The following CSPP1 variants were observed in gnomAD, a reference collection of about 807,000 sequenced individuals.
CSPP1 encodes centrosome and spindle pole-associated protein 1.
CSPP1 carries 126 observed loss-of-function variants against 164.4 expected under a neutral mutation model. The ratio of observed to expected loss-of-function variants is 0.77; its 90% CI spans 0.66 to 0.89. The LOEUF is 0.89. Ranked by LOEUF, CSPP1 falls within the 40% of genes least tolerant of loss-of-function variation. CSPP1 has a pLI of 0.00. For synonymous variants in CSPP1, 472 were observed against 476.7 expected, an observed-to-expected ratio of 0.99 and a Z score of 0.13; for missense variants, 1,395 against 1,449.8, an observed-to-expected ratio of 0.96 and a Z score of 0.61.
intron 25 of CSPP1, chr8:67,173,905 GA>G (rs1193492135): frequency 6.6e-6 from 1 of 152,106 alleles, no homozygotes; most frequent in Non-Finnish European, 1.5e-5. Flanking sequence ...TGTGTATATA[GA>G]TTGGCCAGAG....
rs59504632 is a variant in CSPP1 at position 67,186,970 on chromosome 8, C to CATCTATCTATCTATCTATCT, written c.3221-3654_3221-3635dup. Among the ~76,000 whole-genome samples, 3 of 149,870 alleles carry CATCTATCTATCTATCTATCT rather than the reference C, an allele frequency of 2.0e-5. No individual in the cohort carries two copies. In the East Asian group the frequency reaches 6.0e-4, roughly 30 times the overall value. ...AATACTGAGGTATAAATCTATCTAT[C>CATCTATCTATCTATCTATCT]ATCTATCTATCTATCTATCTATCTA... On this transcript the variant is annotated intron_variant, in intron 28 of 30. Transcript: ENST00000678616.
At chr8:67,158,687 A>G in intron 20 of CSPP1, 91 bp downstream of exon 20, 1 of 1,420,430 alleles carries the variant, frequency 7.0e-7, no homozygotes, top group African/African-American at 1.4e-5. Context: ...AAAGGAGAAC[A>G]GTGTTGGAGT....
chr8:67,071,893 A>G (rs1806861389), intron 1 of CSPP1, among the ~76,000 whole-genome samples: 1 of 152,224 alleles, frequency 6.6e-6, no homozygotes, highest in Non-Finnish European at 1.5e-5. Flanking sequence ...TGCAAAAATT[A>G]ACTTTGAATG....
intron 15 of CSPP1, among the ~76,000 whole-genome samples, chr8:67,130,993 CAAAAG>C (rs1290399647): frequency 5.9e-5 from 9 of 151,860 alleles, no homozygotes; most frequent in Admixed American, 2.0e-4. Context: ...CGTCTCAAAA[CAAAAG>C]AAAACAAAAA....
chr8:67,164,445 G>C lies in CSPP1; in HGVS notation c.2765G>C (p.Ser922Thr). 1 of 1,608,114 alleles carries C rather than the reference G, an allele frequency of 6.2e-7. No homozygotes were observed. The highest frequency in any genetic ancestry group is 8.5e-7 in the Non-Finnish European group (1 of 1,174,772). ...TCAGAAATGAGAAAACAGCTTCGTAGTGAAGAGAGGCGTCTACAAGAGCGA... is the reference window on the plus strand; with the variant it reads ...TCAGAAATGAGAAAACAGCTTCGTACTGAAGAGAGGCGTCTACAAGAGCGA... ...ELSEMRKQLR[S>T]EERRLQERLL... Residue 922 changes from serine to threonine, a missense_variant, in exon 24 of 31, where the codon AGT becomes ACT. Ser to Thr is a moderately conservative substitution (Grantham distance 58, BLOSUM62 1). Coordinates refer to ENST00000678616, the MANE Select transcript of CSPP1 (RefSeq NM_001382391.1).
intron 16 of CSPP1, among the ~76,000 whole-genome samples, chr8:67,136,271 TA>T (rs2129554946): frequency 6.6e-6 from 1 of 152,070 alleles, no homozygotes; most frequent in South Asian, 2.1e-4. Flanking sequence ...CTTCGATTTG[TA>T]AAAAATGCAA....
chr8:67,066,768 T>C (rs1805646690), intron 1 of CSPP1, among the ~76,000 whole-genome samples: 1 of 151,570 alleles, frequency 6.6e-6, no homozygotes, highest in African/African-American at 2.4e-5. Context: ...TATACACACA[T>C]ATATATTTGT....
At chr8:67,148,905 A>C (rs1361526930) in intron 17 of CSPP1, among the ~76,000 whole-genome samples, 3 of 152,216 alleles carry the variant, frequency 2.0e-5, no homozygotes, top group African/African-American at 7.2e-5. Context: ...GTAATGAATT[A>C]ACCCAAAACT....
At chr8:67,179,635 G>A (rs1832536837) in intron 27 of CSPP1, among the ~76,000 whole-genome samples, 1 of 152,206 alleles carries the variant, frequency 6.6e-6, no homozygotes. Context: ...TGTAGAATCT[G>A]TAGCCTGGAG....
intron 28 of CSPP1, among the ~76,000 whole-genome samples, chr8:67,185,277 C>A (rs1269293486): frequency 5.9e-5 from 9 of 152,132 alleles, no homozygotes; most frequent in Admixed American, 5.9e-4. Context: ...ATTTGATGAG[C>A]CCTGAGGCCC....
At chr8:67,192,143 G>C (rs1316714170) in intron 29 of CSPP1, among the ~76,000 whole-genome samples, 3 of 148,800 alleles carry the variant, frequency 2.0e-5, no homozygotes, top group South Asian at 2.1e-4. Context: ...CGTGATCTCA[G>C]TGCACTGCAC....
chr8:67,184,344 A>G (rs1224648481), intron 28 of CSPP1, among the ~76,000 whole-genome samples: 1 of 152,198 alleles, frequency 6.6e-6, no homozygotes, highest in African/African-American at 2.4e-5. Context: ...ACAGGAAATA[A>G]ATAGAGAAAA....
chr8:67,113,925 C>A, intron 11 of CSPP1, 63 bp downstream of exon 11: 1 of 950,518 alleles, frequency 1.1e-6, no homozygotes, highest in Non-Finnish European at 1.7e-6. Context: ...AATGTGGTGG[C>A]AGGTGGGGAT....
At chr8:67,147,350 C>G (rs752863264) in intron 17 of CSPP1, among the ~76,000 whole-genome samples, 3 of 152,156 alleles carry the variant, frequency 2.0e-5, no homozygotes, top group Admixed American at 1.3e-4. Context: ...TGTGGTTTCA[C>G]CCAGTCCCTT....
In CSPP1 at chr8:67,154,065, G is replaced by A. The variant is rs1826217299; in HGVS notation, c.2170G>A (p.Val724Ile). ...TQSSPFARGNVFGEPPTELQI... is the reference protein window; with the variant it reads ...TQSSPFARGNIFGEPPTELQI... ...GAGCTCTCCTTTTGCTCGGGGAAAT[G>A]TATTTGGTGAGCCTCCAACTGAACT... The change falls in exon 19 of 31, where the codon GTA becomes ATA. Residue 724 changes from valine to isoleucine, a missense_variant. By Grantham distance (29) the Val-to-Ile change is conservative. Transcript: ENST00000678616. 1 of 1,607,396 alleles carries A rather than the reference G, an allele frequency of 6.2e-7. No homozygotes were observed. Among genetic ancestry groups the A allele is most frequent in the Non-Finnish European group, 8.5e-7 (1 of 1,174,904 alleles).
chr8:67,193,680 C>T, intron 30 of CSPP1, 78 bp downstream of exon 30: 12 of 1,256,258 alleles, frequency 9.6e-6, no homozygotes, highest in African/African-American at 1.5e-5. Context: ...CTTTCACTAA[C>T]GTCTGAGGGA....
chr8:67,165,908 T>C (rs1259869420), intron 24 of CSPP1, among the ~76,000 whole-genome samples: 1 of 152,230 alleles, frequency 6.6e-6, no homozygotes, highest in Non-Finnish European at 1.5e-5. Context: ...GGGTTACCTA[T>C]ATACAGTTTT....
chr8:67,067,324 T>TATATGATAAGCATATAATATATGATAAG (rs1321012978), intron 1 of CSPP1, among the ~76,000 whole-genome samples: 2 of 152,362 alleles, frequency 1.3e-5, no homozygotes, highest in Admixed American at 1.3e-4. Flanking sequence ...TCTGCTTATA[T>TATATGATAAGCATATAATATATGATAAG]CTATATGATA....
chr8:67,093,048 C>T (rs1471570658), intron 5 of CSPP1, among the ~76,000 whole-genome samples: 2 of 152,128 alleles, frequency 1.3e-5, no homozygotes, highest in African/African-American at 4.8e-5. Context: ...ATGCTAATGA[C>T]AGATCTCCTG....
Sources: allele counts gnomAD v4.1 joint callset (sites outside exome capture counted in the v4.1 genomes callset), GRCh38; gene constraint gnomAD v4.1.1; transcripts MANE v1.5; gene names NCBI Gene and HGNC (gene_info 2026-07-23, HGNC 2026-07-21).